The following THSD7B variants were observed in gnomAD, a reference collection of about 807,000 sequenced individuals.
THSD7B encodes the protein thrombospondin type 1 domain containing 7B.
THSD7B carries 138 observed loss-of-function variants against 213.6 expected under a neutral mutation model. The observed-to-expected ratio is 0.65, with a 90% confidence interval of 0.56 to 0.74. THSD7B has a LOEUF of 0.74. Ranked by LOEUF, THSD7B falls within the 30% of genes least tolerant of loss-of-function variation. THSD7B has a pLI of 0.00. For synonymous variants in THSD7B, 742 were observed against 687.0 expected (o/e 1.08, Z -1.25); for missense variants, 1,931 against 1,991.5 (o/e 0.97, Z 0.58).
chr2:137,104,912 A>G (rs1296134787), intron 4 of THSD7B, among the ~76,000 whole-genome samples: 1 of 152,224 alleles, frequency 6.6e-6, no homozygotes, highest in Non-Finnish European at 1.5e-5. Flanking sequence ...TGAGGCAATA[A>G]TTAATAGCCT....
At chr2:137,011,902 A>G (rs1398343235) in intron 2 of THSD7B, among the ~76,000 whole-genome samples, 1 of 152,146 alleles carries the variant, frequency 6.6e-6, no homozygotes, top group African/African-American at 2.4e-5. Context: ...ATTGCATTTT[A>G]TTATCTCTAC....
At chr2:137,615,533 A>C (rs891734124) in intron 17 of THSD7B, among the ~76,000 whole-genome samples, 2 of 152,192 alleles carry the variant, frequency 1.3e-5, no homozygotes, top group Non-Finnish European at 2.9e-5. Context: ...ACAGGAGGAC[A>C]TGTGGAGCCA....
At chr2:137,127,549 T>C (rs1688652884) in intron 5 of THSD7B, among the ~76,000 whole-genome samples, 1 of 152,234 alleles carries the variant, frequency 6.6e-6, no homozygotes, top group South Asian at 2.1e-4. Flanking sequence ...TCTAACCTTC[T>C]GCTGGTGGGC....
At chr2:136,958,183 A>C (rs1685157475) in intron 2 of THSD7B, among the ~76,000 whole-genome samples, 1 of 152,210 alleles carries the variant, frequency 6.6e-6, no homozygotes. Flanking sequence ...TCAAAATGCA[A>C]ATACTAGAAA....
At chr2:137,030,351 A>G (rs1374578198) in intron 2 of THSD7B, among the ~76,000 whole-genome samples, 1 of 152,200 alleles carries the variant, frequency 6.6e-6, no homozygotes, top group Non-Finnish European at 1.5e-5. Flanking sequence ...GACTAAGTTT[A>G]TCCAGAATAT....
intron 17 of THSD7B, among the ~76,000 whole-genome samples, chr2:137,615,404 A>G (rs1395981070): frequency 6.6e-6 from 1 of 152,186 alleles, no homozygotes; most frequent in Non-Finnish European, 1.5e-5. Context: ...GATTTGGAGG[A>G]CAGTGGAAAG....
Position 137,231,061 on chromosome 2 carries a change from A to C in THSD7B, c.1741A>C (p.Ser581Arg), listed in dbSNP as rs199973142. 1 of 1,613,442 alleles carries C rather than the reference A, an allele frequency of 6.2e-7. No individual in the cohort carries two copies. The highest frequency in any genetic ancestry group is 8.5e-7 in the Non-Finnish European group (1 of 1,179,718). Residue 581 changes from serine (S) to arginine (R), a missense_variant, in exon 8 of 28, where the codon AGT becomes CGT. Physicochemically the swap from Ser to Arg is moderately radical, Grantham distance 110. Coordinates refer to ENST00000409968, the MANE Select transcript of THSD7B (RefSeq NM_001316349.2). ...GATTGTAGGAGAAGATGTATCAGGG[A>C]GTCTTTGCCCAGTTCCCCCTCCTCC... ...QNDRGEDVSGSLCPVPPPPER... is the reference protein window; with the variant it reads ...QNDRGEDVSGRLCPVPPPPER...
intron 12 of THSD7B, among the ~76,000 whole-genome samples, chr2:137,361,315 G>A (rs148957825): frequency 1.1e-4 from 17 of 152,266 alleles, no homozygotes; most frequent in African/African-American, 2.6e-4. Flanking sequence ...AAACCAGAGC[G>A]CCCCTTCTCC....
chr2:137,225,921 A>G (rs540078063), intron 7 of THSD7B, among the ~76,000 whole-genome samples: 1 of 151,716 alleles, frequency 6.6e-6, no homozygotes, highest in South Asian at 2.1e-4. Context: ...TCCATATTTT[A>G]TTGGTTCTGA....
At chr2:136,908,896 C>G (rs994174321) in intron 2 of THSD7B, among the ~76,000 whole-genome samples, 1 of 151,978 alleles carries the variant, frequency 6.6e-6, no homozygotes, top group Admixed American at 6.6e-5. Context: ...TGGGCCTATC[C>G]TAGTCTGGGC....
chr2:137,038,725 A>G (rs1686823429), intron 2 of THSD7B, among the ~76,000 whole-genome samples: 1 of 152,262 alleles, frequency 6.6e-6, no homozygotes, highest in African/African-American at 2.4e-5. Context: ...GCAGGGTTGC[A>G]GTCTACAACT....
intron 27 of THSD7B, among the ~76,000 whole-genome samples, chr2:137,675,403 CATATATATATATATATAT>C (rs55940004): frequency 0.18 from 20,980 of 116,400 alleles, 2,037 homozygotes; most frequent in Non-Finnish European, 0.23. Context: ...AAATGAATGC[CATATATATATATATATAT>C]ATATATATAT....
At chr2:136,926,354 C>G (rs1684523930) in intron 2 of THSD7B, among the ~76,000 whole-genome samples, 1 of 151,618 alleles carries the variant, frequency 6.6e-6, no homozygotes. Flanking sequence ...ATAAGTTTAC[C>G]TATGTAACAA....
chr2:137,222,650 C>T (rs1395563930), intron 7 of THSD7B, among the ~76,000 whole-genome samples: 2 of 152,152 alleles, frequency 1.3e-5, no homozygotes, highest in African/African-American at 4.8e-5. Context: ...GATAATTATA[C>T]CTCAAATACA....
rs775679117 is a variant in THSD7B at position 137,242,508 on chromosome 2, CA to C, written c.2208del (p.Asp737ThrfsTer4). 6.2e-7 allele frequency: 1 copy of C among 1,613,766 alleles called. No individual in the cohort carries two copies. The highest frequency in any genetic ancestry group is 8.5e-7 in the Non-Finnish European group (1 of 1,179,786). On this transcript the variant is annotated frameshift_variant, in exon 10 of 28. Transcript: ENST00000409968. LOFTEE classifies it high-confidence loss of function. ...CTGTGCGCCCCTGTTTTCTCCCATG[CA>C]AAAAAGACTGTATTGTGACTGCTTT... ...ETVRPCFLPCKKDCIVTAFSE... is the reference protein window; with the variant it reads ...ETVRPCFLPCXKDCIVTAFSE...
At chr2:136,912,547 G>T (rs898452237) in intron 2 of THSD7B, among the ~76,000 whole-genome samples, 4 of 152,004 alleles carry the variant, frequency 2.6e-5, no homozygotes, top group Admixed American at 1.3e-4. Context: ...TAATTGTTAT[G>T]GTTTAGCTGT....
chr2:137,514,628 A>C (rs555613709), intron 15 of THSD7B, among the ~76,000 whole-genome samples: 1 of 152,338 alleles, frequency 6.6e-6, no homozygotes, highest in Non-Finnish European at 1.5e-5. Context: ...CAGAATATTA[A>C]AGACAAAGTT....
chr2:137,517,851 C>T (rs184417951), intron 15 of THSD7B, among the ~76,000 whole-genome samples: 1 of 152,304 alleles, frequency 6.6e-6, no homozygotes, highest in East Asian at 1.9e-4. Context: ...CAGATAACTG[C>T]TCTCCTTTTG....
At chr2:137,457,294 A>G (rs567319953) in intron 15 of THSD7B, among the ~76,000 whole-genome samples, 1 of 152,262 alleles carries the variant, frequency 6.6e-6, no homozygotes, top group South Asian at 2.1e-4. Context: ...GGTTATTGCT[A>G]CTCTGCATTG....
Sources: allele counts gnomAD v4.1 joint callset (sites outside exome capture counted in the v4.1 genomes callset), GRCh38; gene constraint gnomAD v4.1.1; transcripts MANE v1.5; gene names NCBI Gene and HGNC (gene_info 2026-07-23, HGNC 2026-07-21).